The following TRIM61 variants were observed in gnomAD, a reference collection of about 807,000 sequenced individuals.
TRIM61 encodes the protein tripartite motif containing 61, also known as putative tripartite motif-containing protein 61.
A neutral mutation model predicts 14.2 loss-of-function variants in TRIM61; 1 was observed. That is an observed-to-expected ratio of 0.07 (90% CI 0.03 to 0.33). The LOEUF (loss-of-function observed/expected upper bound fraction) is 0.33, where lower values mean the gene tolerates loss of function less well. Ranked by LOEUF, TRIM61 falls within the 10% of genes least tolerant of loss-of-function variation. TRIM61 has a pLI of 0.99. For synonymous variants in TRIM61, 8 were observed against 71.6 expected, an observed-to-expected ratio of 0.11 and a Z score of 4.49; for missense variants, 19 against 202.2, an observed-to-expected ratio of 0.09 and a Z score of 5.49.
Position 164,965,330 on chromosome 4 carries a change from T to C in TRIM61, c.525+4148A>G, listed in dbSNP as rs144058030. ...AAAAACTTAAATTGAAGCTTTACAA[T>C]AGCACCTGGAGCTTGAATTTATCCA... On this transcript the variant is annotated intron_variant, in intron 3 of 4. Transcript: ENST00000329314. Among the ~76,000 whole-genome samples, 1,330 of 152,022 alleles carry C rather than the reference T, an allele frequency of 8.7e-3. 15 individuals carry two copies. Among genetic ancestry groups the C allele is most frequent in the Middle Eastern group, 0.014 (4 of 292 alleles).
chr4:164,965,936 A>G (rs569973149), intron 3 of TRIM61, among the ~76,000 whole-genome samples: 5 of 152,318 alleles, frequency 3.3e-5, no homozygotes, highest in African/African-American at 9.6e-5. Context: ...CTAGAAAGCT[A>G]CTGAAGGATG....
At chr4:164,963,001 C>G (rs945240772) in intron 3 of TRIM61, among the ~76,000 whole-genome samples, 1 of 151,978 alleles carries the variant, frequency 6.6e-6, no homozygotes, top group African/African-American at 2.4e-5. Flanking sequence ...ACTATAAACC[C>G]TAGGAGAACC....
intron 3 of TRIM61, among the ~76,000 whole-genome samples, chr4:164,966,458 T>C (rs546152681): frequency 2.0e-5 from 3 of 152,250 alleles, no homozygotes; most frequent in South Asian, 4.1e-4. Context: ...AGAGGTATTA[T>C]TGGAATGTGA....
intron 2 of TRIM61, among the ~76,000 whole-genome samples, chr4:164,974,924 C>G (rs1371759113): frequency 6.6e-6 from 1 of 151,854 alleles, no homozygotes; most frequent in Admixed American, 6.6e-5. Context: ...AAAAATTGAG[C>G]CTGAAAAAGT....
At chr4:164,957,023 A>C in intron 3 of TRIM61, 2 of 1,505,528 alleles carry the variant, frequency 1.3e-6, no homozygotes, top group Non-Finnish European at 8.9e-7. Context: ...ACCACAGTGG[A>C]TGGAAGGATG....
chr4:164,960,405 A>C (rs1732107177), intron 3 of TRIM61, among the ~76,000 whole-genome samples: 1 of 151,998 alleles, frequency 6.6e-6, no homozygotes, highest in African/African-American at 2.4e-5. Context: ...AAGAAAAAAA[A>C]ATAGGTAGGC....
chr4:164,960,528 C>T (rs1579142939), intron 3 of TRIM61, among the ~76,000 whole-genome samples: 1 of 150,870 alleles, frequency 6.6e-6, no homozygotes, highest in East Asian at 2.0e-4. Context: ...GCACTCCAAT[C>T]CGGGCGACAG....
At chr4:164,969,103 A>T in intron 3 of TRIM61, 1 of 1,105,656 alleles carries the variant, frequency 9.0e-7, no homozygotes, top group Non-Finnish European at 1.1e-6. Context: ...CTGTTTCAGG[A>T]TCTAGAATTA....
chr4:164,976,400 C>T (rs892348355), intron 2 of TRIM61, among the ~76,000 whole-genome samples: 5 of 152,256 alleles, frequency 3.3e-5, no homozygotes, highest in Admixed American at 3.3e-4. Flanking sequence ...CACAAGAGGA[C>T]TCACTCCAGG....
chr4:164,957,236 CG>C, intron 3 of TRIM61: 2 of 1,604,268 alleles, frequency 1.2e-6, no homozygotes, highest in South Asian at 2.2e-5. Context: ...CGTCCAACAG[CG>C]GTCGCTCCAC....
At chr4:164,976,192 A>G (rs1032191639) in intron 2 of TRIM61, among the ~76,000 whole-genome samples, 1 of 152,220 alleles carries the variant, frequency 6.6e-6, no homozygotes, top group Non-Finnish European at 1.5e-5. Flanking sequence ...GAAATAATGA[A>G]AATAATAATC....
At chr4:164,956,770 GAAGAGCAAAGCAA>G (rs1731998431) in intron 3 of TRIM61, among the ~76,000 whole-genome samples, 1 of 152,176 alleles carries the variant, frequency 6.6e-6, no homozygotes, top group African/African-American at 2.4e-5. Flanking sequence ...TTGGGTGGCA[GAAGAGCAAAGCAA>G]ACAGCTGAGG....
At chr4:164,954,873 G>T in intron 4 of TRIM61, 1 of 189,428 alleles carries the variant, frequency 5.3e-6, no homozygotes, top group Non-Finnish European at 1.1e-5. Context: ...GGAGGCCAAG[G>T]CAGGCAGATC....
intron 3 of TRIM61, chr4:164,959,124 T>C (rs998399269): frequency 6.0e-6 from 1 of 167,124 alleles, no homozygotes; most frequent in South Asian, 2.1e-4. Flanking sequence ...GATTTCTTAC[T>C]TGCTGCATTT....
At chr4:164,977,302 C>T (rs1035944664) in intron 1 of TRIM61, among the ~76,000 whole-genome samples, 5 of 152,190 alleles carry the variant, frequency 3.3e-5, no homozygotes, top group African/African-American at 1.2e-4. Context: ...TTCATAAACC[C>T]TAATTCAGAT....
At chr4:164,956,908 C>A in intron 3 of TRIM61, 2 of 1,049,958 alleles carry the variant, frequency 1.9e-6, no homozygotes, top group Non-Finnish European at 2.7e-6. Context: ...GAAGTCGGAG[C>A]GGCAGAGCAG....
intron 3 of TRIM61, among the ~76,000 whole-genome samples, chr4:164,962,565 T>TA (rs1307666627): frequency 2.0e-5 from 3 of 151,432 alleles, no homozygotes; most frequent in African/African-American, 7.3e-5. Flanking sequence ...CTTCTGTAAA[T>TA]AAAAAAATGC....
At chr4:164,971,247 T>C (rs1194056813) in intron 2 of TRIM61, among the ~76,000 whole-genome samples, 2 of 152,162 alleles carry the variant, frequency 1.3e-5, no homozygotes, top group Non-Finnish European at 2.9e-5. Context: ...TATATCTATA[T>C]ACTGATGCAC....
chr4:164,959,948 G>A (rs1389745470), intron 3 of TRIM61, among the ~76,000 whole-genome samples: 1 of 152,128 alleles, frequency 6.6e-6, no homozygotes, highest in Non-Finnish European at 1.5e-5. Flanking sequence ...TTGGAAATTA[G>A]GTCTTTAGAA....
Sources: allele counts gnomAD v4.1 joint callset (sites outside exome capture counted in the v4.1 genomes callset), GRCh38; gene constraint gnomAD v4.1.1; transcripts MANE v1.5; gene names NCBI Gene and HGNC (gene_info 2026-07-23, HGNC 2026-07-21).